The following GPR176 variants were observed in gnomAD, a reference collection of about 807,000 sequenced individuals.
GPR176 encodes G-protein coupled receptor 176.
A neutral mutation model predicts 35.4 loss-of-function variants in GPR176; 26 were observed. The ratio of observed to expected loss-of-function variants is 0.74; its 90% CI spans 0.54 to 1.02. The LOEUF (loss-of-function observed/expected upper bound fraction) is 1.02, where lower values mean the gene tolerates loss of function less well. Ranked by LOEUF, GPR176 falls within the 50% of genes least tolerant of loss-of-function variation. The pLI is 0.00. For synonymous variants in GPR176, 278 were observed against 271.3 expected (o/e 1.02, Z -0.24); for missense variants, 597 against 665.3 (o/e 0.90, Z 1.13).
At chr15:39,871,014 G>A (rs2032022825) in intron 1 of GPR176, among the ~76,000 whole-genome samples, 1 of 152,102 alleles carries the variant, frequency 6.6e-6, no homozygotes, top group East Asian at 1.9e-4. Flanking sequence ...CCTGAGCAGA[G>A]GACTCACCTT....
chr15:39,832,718 A>G (rs1901173769), intron 1 of GPR176, among the ~76,000 whole-genome samples: 1 of 151,448 alleles, frequency 6.6e-6, no homozygotes, highest in Non-Finnish European at 1.5e-5. Flanking sequence ...GAAAGTTTAC[A>G]AATTTGTGTT....
At chr15:39,826,566 G>A (rs1900667427) in intron 1 of GPR176, among the ~76,000 whole-genome samples, 1 of 152,192 alleles carries the variant, frequency 6.6e-6, no homozygotes, top group African/African-American at 2.4e-5. Flanking sequence ...GCTGGGCAAA[G>A]CCACAATGCC....
chr15:39,840,212 C>A (rs1407759848), intron 1 of GPR176, among the ~76,000 whole-genome samples: 1 of 152,022 alleles, frequency 6.6e-6, no homozygotes. Flanking sequence ...ATTCACAATG[C>A]CAAAGACCTG....
At chr15:39,912,148 G>A (rs2033594434) in intron 1 of GPR176, among the ~76,000 whole-genome samples, 1 of 152,114 alleles carries the variant, frequency 6.6e-6, no homozygotes, top group East Asian at 1.9e-4. Flanking sequence ...AATGAGAGTT[G>A]ATTTTTTTAA....
At chr15:39,905,997 C>G (rs2140874329) in intron 1 of GPR176, among the ~76,000 whole-genome samples, 1 of 152,294 alleles carries the variant, frequency 6.6e-6, no homozygotes, top group East Asian at 1.9e-4. Flanking sequence ...ATACAGGCAT[C>G]TCTCTGTATT....
intron 1 of GPR176, among the ~76,000 whole-genome samples, chr15:39,846,512 T>G (rs1474310622): frequency 6.6e-6 from 1 of 152,170 alleles, no homozygotes; most frequent in East Asian, 1.9e-4. Flanking sequence ...ATCATAGTGG[T>G]ATCACAAAAC....
intron 1 of GPR176, among the ~76,000 whole-genome samples, chr15:39,901,013 C>T (rs1260143381): frequency 6.6e-6 from 1 of 151,856 alleles, no homozygotes; most frequent in African/African-American, 2.4e-5. Flanking sequence ...GTCACCTAAC[C>T]CCAACACTAC....
At chr15:39,815,346 G>A (rs2140800229) in intron 1 of GPR176, 1 of 152,408 alleles carries the variant, frequency 6.6e-6, no homozygotes, top group East Asian at 1.9e-4. Flanking sequence ...GGCCCCTTGA[G>A]TGGTGCTCCT....
chr15:39,831,177 G>A (rs1470598014), intron 1 of GPR176, among the ~76,000 whole-genome samples: 2 of 152,174 alleles, frequency 1.3e-5, no homozygotes, highest in Non-Finnish European at 2.9e-5. Context: ...TGGTTTCTAT[G>A]ACTGCCAAAC....
Position 39,802,056 on chromosome 15 carries a change from C to T in GPR176, c.624G>A (p.Val208=). 3.7e-6 allele frequency: 6 copies of T among 1,614,146 alleles called. No homozygotes were observed. The East Asian group carries it at 1.1e-4, about 30-fold the overall frequency. Residue 208 remains valine, a synonymous_variant, in exon 3 of 3, where the codon GTG becomes GTA. Transcript: ENST00000561100. Reference sequence around the variant, plus strand: ...GCACAATGACCGTGGTGATGTTATACACCAGAACGTACACCAGGTGGCCCA... The same window carrying T: ...GCACAATGACCGTGGTGATGTTATATACCAGAACGTACACCAGGTGGCCCA... ...NSLGHLVYVL[V]YNITTVIVPV... is the part of the protein sequence containing the mutation.
chr15:39,833,562 C>T (rs1901224687), intron 1 of GPR176, among the ~76,000 whole-genome samples: 2 of 152,088 alleles, frequency 1.3e-5, no homozygotes, highest in African/African-American at 4.8e-5. Context: ...GTTATGAAAA[C>T]ATCTGAAAAT....
At chr15:39,892,152 GACTT>G (rs1372451526) in intron 1 of GPR176, among the ~76,000 whole-genome samples, 2 of 152,190 alleles carry the variant, frequency 1.3e-5, no homozygotes, top group Admixed American at 1.3e-4. Flanking sequence ...TTAGGAATAA[GACTT>G]ACTTAGATGA....
intron 1 of GPR176, among the ~76,000 whole-genome samples, chr15:39,858,895 T>C (rs536521787): frequency 6.6e-6 from 1 of 152,178 alleles, no homozygotes; most frequent in South Asian, 2.1e-4. Context: ...TACAGGTACA[T>C]GCCACCATGA....
At chr15:39,911,258 C>A (rs2140878048) in intron 1 of GPR176, among the ~76,000 whole-genome samples, 1 of 152,096 alleles carries the variant, frequency 6.6e-6, no homozygotes, top group Non-Finnish European at 1.5e-5. Context: ...TAAGGAGGAA[C>A]TTTAATCAGA....
intron 1 of GPR176, among the ~76,000 whole-genome samples, chr15:39,882,846 A>T (rs2032528708): frequency 6.6e-6 from 1 of 152,224 alleles, no homozygotes; most frequent in South Asian, 2.1e-4. Flanking sequence ...GCTCATGCAG[A>T]CTTTTGAAAT....
chr15:39,909,218 A>G (rs1284384271), intron 1 of GPR176, among the ~76,000 whole-genome samples: 2 of 152,216 alleles, frequency 1.3e-5, no homozygotes, highest in Non-Finnish European at 2.9e-5. Context: ...CAGAGCCATC[A>G]GATTCTCTCT....
At chr15:39,874,380 T>C (rs1299371375) in intron 1 of GPR176, among the ~76,000 whole-genome samples, 1 of 152,212 alleles carries the variant, frequency 6.6e-6, no homozygotes, top group Non-Finnish European at 1.5e-5. Context: ...GACCAAACCT[T>C]CTCATCTTCT....
chr15:39,812,364 A>C (rs1202744952), intron 1 of GPR176, among the ~76,000 whole-genome samples: 1 of 152,212 alleles, frequency 6.6e-6, no homozygotes, highest in Non-Finnish European at 1.5e-5. Flanking sequence ...ACGTGGAAAG[A>C]CTAGACTGGC....
chr15:39,910,797 G>A (rs191310561), intron 1 of GPR176, among the ~76,000 whole-genome samples: 1 of 152,196 alleles, frequency 6.6e-6, no homozygotes, highest in Admixed American at 6.5e-5. Flanking sequence ...CAGCACTTTG[G>A]GAGGCCAAGG....
Sources: allele counts gnomAD v4.1 joint callset (sites outside exome capture counted in the v4.1 genomes callset), GRCh38; gene constraint gnomAD v4.1.1; transcripts MANE v1.5; gene names NCBI Gene and HGNC (gene_info 2026-07-23, HGNC 2026-07-21).